COG4: variants seen among roughly 807,000 people sequenced by gnomAD.
The protein encoded by COG4 is component of oligomeric golgi complex 4, also known as conserved oligomeric Golgi complex subunit 4.
COG4 carries 65 observed loss-of-function variants against 95.1 expected under a neutral mutation model. The observed-to-expected ratio is 0.68, with a 90% confidence interval of 0.56 to 0.84. The LOEUF (loss-of-function observed/expected upper bound fraction) is 0.84. Ranked by LOEUF, COG4 falls within the 40% of genes least tolerant of loss-of-function variation. COG4 has a pLI of 0.00. For synonymous variants in COG4, 421 were observed against 374.8 expected (o/e 1.12, Z -1.42); for missense variants, 1,045 against 989.1 (o/e 1.06, Z -0.76).
rs17879608 is a variant in COG4, at chr16:70,481,160, T to A, written c.2236-16A>T. The A allele has an allele frequency of 5.0e-6, 8 of 1,612,898 alleles. No individual in the cohort carries two copies. Among genetic ancestry groups the A allele is most frequent in the African/African-American group, 1.3e-5 (1 of 74,836 alleles). Reference sequence around the variant, plus strand: ...TCTCGGTCACCTGTGGGGAAGGACATAGAGACCAGTCAGCAAGGTGGGGTT... The same window carrying A: ...TCTCGGTCACCTGTGGGGAAGGACAAAGAGACCAGTCAGCAAGGTGGGGTT... On this transcript the variant is annotated splice_polypyrimidine_tract_variant and intron_variant, in intron 18 of 18. Transcript: ENST00000323786.
intron 12 of COG4, among the ~76,000 whole-genome samples, chr16:70,495,354 G>A (rs186226868): frequency 4.6e-4 from 68 of 148,960 alleles, no homozygotes; most frequent in Middle Eastern, 7.0e-3. Context: ...CCAAGGTCAT[G>A]CCATTGCACT....
At chr16:70,497,153 C>A in intron 11 of COG4, 68 bp downstream of exon 11, 2 of 1,471,816 alleles carry the variant, frequency 1.4e-6, no homozygotes, top group Non-Finnish European at 1.9e-6. Context: ...AGGGCAGAAA[C>A]AAATGGGCCT....
intron 3 of COG4, among the ~76,000 whole-genome samples, chr16:70,516,823 G>A (rs2049832520): frequency 2.0e-5 from 3 of 152,024 alleles, no homozygotes; most frequent in Admixed American, 2.0e-4. Context: ...GAGTACAGTG[G>A]CATGACCTTG....
At chr16:70,498,605 G>A (rs1238334171) in intron 9 of COG4, among the ~76,000 whole-genome samples, 1 of 152,104 alleles carries the variant, frequency 6.6e-6, no homozygotes, top group Non-Finnish European at 1.5e-5. Flanking sequence ...GATTACAGGC[G>A]TGAGCCACCA....
chr16:70,512,916 T>C (rs2049741633), intron 4 of COG4, among the ~76,000 whole-genome samples: 3 of 152,298 alleles, frequency 2.0e-5, no homozygotes, highest in South Asian at 2.1e-4. Flanking sequence ...AGGCAGAGGT[T>C]GCAGTGAGCC....
Position 70,509,344 on chromosome 16 carries a change from AGGTCTCCACTATTGGCTGGTG to A in COG4, c.868_888del (p.His290_Thr296del). ...GTATAGAGTCTCCCTGGCCCATAAT[AGGTCTCCACTATTGGCTGGTG>A]GGTCTCCACAATGCGGGCAATCCCT... On this transcript the variant is annotated inframe_deletion, in exon 7 of 19. Transcript: ENST00000323786. 1 of 1,614,198 alleles carries A rather than the reference AGGTCTCCACTATTGGCTGGTG, an allele frequency of 6.2e-7. No homozygotes were observed. Among genetic ancestry groups the A allele is most frequent in the Non-Finnish European group, 8.5e-7 (1 of 1,180,038 alleles).
chr16:70,514,213 AAAG>A (rs2049774399), intron 4 of COG4, 119 bp downstream of exon 4: 3 of 1,002,488 alleles, frequency 3.0e-6, no homozygotes, highest in Admixed American at 4.3e-5. Flanking sequence ...TCTCAAAAAA[AAAG>A]AAGAAAAAGA....
In COG4 at chr16:70,509,742, A is replaced by C. The variant is rs74026072; in HGVS notation, c.844+174T>G. 3,050 of 657,842 alleles carry C rather than the reference A, an allele frequency of 4.6e-3. 73 individuals are homozygous for C. The African/African-American group carries it at 0.049, about 11-fold the overall frequency. The allele number at this position is 657,842 out of a possible 1,614,324, so 40.8% of individuals were successfully genotyped here. A position where few individuals can be genotyped will look rare whatever the true frequency, so the allele number is the denominator to read the frequency against. On this transcript the variant is annotated intron_variant, in intron 6 of 18. Transcript: ENST00000323786. ...AGGATCAAAACACTGGAGAGACTCT[A>C]ATCTTTGCTAATCAGGCACTGAATC...
intron 13 of COG4, among the ~76,000 whole-genome samples, chr16:70,487,618 A>C (rs947118367): frequency 1.1e-4 from 16 of 152,160 alleles, no homozygotes; most frequent in African/African-American, 3.4e-4. Flanking sequence ...CAACTTGTTG[A>C]ACACATACGA....
At chr16:70,501,199 G>A (rs1234673954) in intron 8 of COG4, 108 bp from the exon 9 acceptor site, 1 of 1,262,118 alleles carries the variant, frequency 7.9e-7, no homozygotes, top group African/African-American at 1.5e-5. Context: ...GGCCCATAAG[G>A]AAAAGCTCTG....
intron 12 of COG4, 116 bp downstream of exon 12, chr16:70,496,150 T>C (rs2049334428): frequency 2.8e-6 from 3 of 1,064,124 alleles, no homozygotes; most frequent in South Asian, 1.3e-5. Flanking sequence ...ATTTTCCTTC[T>C]ATATAGACAC....
At chr16:70,505,746 G>A (rs2049551631) in intron 8 of COG4, among the ~76,000 whole-genome samples, 1 of 151,662 alleles carries the variant, frequency 6.6e-6, no homozygotes, top group Admixed American at 6.6e-5. Context: ...GGAGAATGGC[G>A]TGAACCCGGG....
chr16:70,500,897 T>A, intron 9 of COG4, 61 bp downstream of exon 9: 1 of 1,599,376 alleles, frequency 6.3e-7, no homozygotes. Context: ...GTGGCTTAAC[T>A]ATTAAGAAAC....
chr16:70,521,161 T>C (rs1041009302), intron 1 of COG4, among the ~76,000 whole-genome samples: 3 of 151,574 alleles, frequency 2.0e-5, no homozygotes, highest in Admixed American at 2.0e-4. Flanking sequence ...TATCTGCCCA[T>C]CTCAGCCTCC....
At chr16:70,512,543 T>C (rs1347604648) in intron 4 of COG4, 111 bp from the exon 5 acceptor site, 16 of 864,062 alleles carry the variant, frequency 1.9e-5, no homozygotes, top group African/African-American at 1.2e-4. Context: ...GCACTTACCA[T>C]GTGCAAGATG....
At chr16:70,517,450 T>G (rs1315945458) in intron 3 of COG4, among the ~76,000 whole-genome samples, 176 bp downstream of exon 3, 1 of 151,582 alleles carries the variant, frequency 6.6e-6, no homozygotes, top group Non-Finnish European at 1.5e-5. Context: ...TAGCTGGGCA[T>G]AGTGGTGGAT....
chr16:70,490,488 C>CA, intron 12 of COG4, 96 bp from the exon 13 acceptor site: 1 of 981,756 alleles, frequency 1.0e-6, no homozygotes, highest in Non-Finnish European at 1.6e-6. Context: ...CCATGAAGCT[C>CA]AGAGAAGGGC....
intron 9 of COG4, among the ~76,000 whole-genome samples, chr16:70,499,753 G>A (rs573082928): frequency 2.0e-5 from 3 of 151,998 alleles, no homozygotes; most frequent in South Asian, 4.1e-4. Flanking sequence ...TCCGCCTCCC[G>A]GGTTCACGCC....
intron 11 of COG4, 114 bp from the exon 12 acceptor site, chr16:70,496,545 T>A: frequency 1.9e-6 from 2 of 1,049,600 alleles, no homozygotes; most frequent in African/African-American, 1.6e-5. Flanking sequence ...TTAGGGGGAA[T>A]AACCAGTCCT....
Sources: gnomAD v4.1 joint callset for allele counts (sites outside exome capture counted in the v4.1 genomes callset) on GRCh38, gnomAD v4.1.1 for gene constraint, MANE v1.5 for transcripts, NCBI Gene and HGNC (gene_info 2026-07-23, HGNC 2026-07-21) for gene names.